RARA: variants seen among roughly 807,000 people sequenced by gnomAD.
The protein encoded by RARA is PML-DDX5-RARA fusion.
Under a neutral mutation model 42.8 loss-of-function variants are expected in RARA, and 5 were observed. That is an observed-to-expected ratio of 0.12 (90% confidence interval 0.06 to 0.25). RARA has a LOEUF of 0.25. Among genes scored for constraint, RARA ranks in the 10% least tolerant of loss-of-function variants. RARA has a pLI of 1.00. For missense variants in RARA, 402 were observed against 628.7 expected (o/e 0.64, Z 3.86); for synonymous variants, 256 against 259.5 (o/e 0.99, Z 0.13).
chr17:40,331,096 G>C lies in RARA; in HGVS notation c.-123G>C, dbSNP rs976746384. On this transcript the variant is annotated 5_prime_UTR_variant, in exon 2 of 9. Transcript: ENST00000254066. ...TTGGACAGCAGCTCCAGGACAGGGC[G>C]GGTGGGCTGACCACCCAAACCCCAT... The C allele has an allele frequency of 1.3e-5, 15 of 1,140,054 alleles. No homozygotes were observed. In the African/African-American group the frequency reaches 1.7e-4, roughly 13 times the overall value. The allele number at this position is 1,140,054 out of a possible 1,614,324, so 70.6% of individuals were successfully genotyped here.
At chr17:40,316,521 C>T (rs2033216738) in intron 1 of RARA, among the ~76,000 whole-genome samples, 3 of 152,196 alleles carry the variant, frequency 2.0e-5, no homozygotes, top group Admixed American at 2.0e-4. Flanking sequence ...TGCATGCATG[C>T]TTGCATTCTT....
chr17:40,342,152 G>T lies in RARA; in HGVS notation c.179-6164G>T, dbSNP rs535904098. On this transcript the variant is annotated intron_variant, in intron 2 of 8. Transcript: ENST00000254066. ...GGGAGGGGGCGCGCAGAGCTGGGGT[G>T]GGGGGGCCGTGGCGCGTACCACCAG... is the stretch of plus-strand genomic sequence containing the variant. 4.5e-4 allele frequency: 468 copies of T among 1,046,406 alleles called. 2 individuals are homozygous for T. Among genetic ancestry groups the T allele is most frequent in the African/African-American group, 2.6e-3 (156 of 59,796 alleles). 64.8% of individuals were successfully genotyped at this position (1,046,406 alleles called of 1,614,324 possible).
rs1471941341 is a variant in RARA at position 40,331,036 on chromosome 17, G to A, written c.-183G>A. ...AACCCACCTGGCCCCCAGCTAGGGT[G>A]GGGGCTCCAGGAGACTGAGATTAGC... On this transcript the variant is annotated 5_prime_UTR_variant, in exon 2 of 9. Transcript: ENST00000254066. 2 of 629,732 alleles carry A rather than the reference G, an allele frequency of 3.2e-6. No homozygotes were observed. The highest frequency in any genetic ancestry group is 5.2e-6 in the Non-Finnish European group (2 of 387,802). The allele number at this position is 629,732 out of a possible 1,614,324, so 39.0% of individuals were successfully genotyped here.
At position 40,356,204 on chromosome 17, in the gene RARA, G is replaced by C; in HGVS notation, c.1367G>C (p.Ser456Thr). The change falls in exon 9 of 9, where the codon AGC (serine) becomes ACC (threonine). Residue 456 changes from serine (S) to threonine (T), a missense_variant. Ser to Thr is a moderately conservative substitution (Grantham distance 58). Coordinates refer to ENST00000254066, the MANE Select transcript of RARA (RefSeq NM_000964.4). ...PSLSPSSNRS[S>T]PATHSP The stretch of plus-strand genomic sequence containing the variant: ...CTCAGCCCCAGCTCCAACAGAAGCA[G>C]CCCGGCCACCCACTCCCCGTGACCG... 1 of 1,550,064 alleles carries C rather than the reference G, an allele frequency of 6.5e-7. No homozygotes were observed.
At chr17:40,341,609 G>T in intron 2 of RARA, 1 of 1,356,768 alleles carries the variant, frequency 7.4e-7, no homozygotes. Context: ...TGATGTCACG[G>T]GCAGCGGTGG....
At chr17:40,317,950 G>C (rs1268558460) in intron 1 of RARA, among the ~76,000 whole-genome samples, 2 of 152,166 alleles carry the variant, frequency 1.3e-5, no homozygotes, top group African/African-American at 4.8e-5. Flanking sequence ...ACCACACGCT[G>C]CGGTCTTCTC....
At chr17:40,344,775 CTG>C (rs2034200076) in intron 2 of RARA, among the ~76,000 whole-genome samples, 1 of 152,138 alleles carries the variant, frequency 6.6e-6, no homozygotes, top group Non-Finnish European at 1.5e-5. Flanking sequence ...GGTCCTGAGG[CTG>C]TGAGGTTGGG....
intron 2 of RARA, chr17:40,342,033 T>C: frequency 9.3e-7 from 1 of 1,071,874 alleles, no homozygotes. Context: ...GTTCCCTGCG[T>C]TTCTCCCGCT....
In RARA at chr17:40,326,831, T is replaced by C. The variant is rs1271449181; in HGVS notation, c.-362-4026T>C. Among the ~76,000 whole-genome samples the C allele has an allele frequency of 1.3e-5, 2 of 152,000 alleles. No homozygotes were observed. The highest frequency in any genetic ancestry group is 2.9e-5 in the Non-Finnish European group (2 of 67,968). On this transcript the variant is annotated intron_variant, in intron 1 of 8. Coordinates refer to ENST00000254066, the MANE Select transcript of RARA (RefSeq NM_000964.4). The surrounding 1 kb of genome is among the most constrained non-coding windows in gnomAD (Gnocchi z 5.2). Reference sequence around the variant, plus strand: ...TGTAGGGGGCTGGGGCCCAGGTGTCTCTCTGAGGGTCATAGCTTCTGATGG... The same window carrying C: ...TGTAGGGGGCTGGGGCCCAGGTGTCCCTCTGAGGGTCATAGCTTCTGATGG...
intron 2 of RARA, chr17:40,342,477 C>A (rs548661374): frequency 1.3e-5 from 16 of 1,248,228 alleles, no homozygotes; most frequent in South Asian, 9.5e-5. Flanking sequence ...ACGGACCCCC[C>A]CTCCCAGCAC....
intron 1 of RARA, among the ~76,000 whole-genome samples, chr17:40,312,189 C>G (rs2033108545): frequency 6.6e-6 from 1 of 152,176 alleles, no homozygotes; most frequent in South Asian, 2.1e-4. Context: ...TGGGTGCCCA[C>G]AATGTGGTTG....
intron 1 of RARA, among the ~76,000 whole-genome samples, chr17:40,314,265 C>A (rs2033150591): frequency 6.6e-6 from 1 of 151,826 alleles, no homozygotes; most frequent in African/African-American, 2.4e-5. Flanking sequence ...ATCCCTGCAC[C>A]CCACCCTCCC....
intron 1 of RARA, among the ~76,000 whole-genome samples, chr17:40,329,775 A>G (rs975218854): frequency 3.9e-5 from 6 of 152,220 alleles, no homozygotes; most frequent in Admixed American, 6.5e-5. Context: ...TTGATTGGCC[A>G]TGTTTCTTTT....
At chr17:40,338,053 A>G (rs979344509) in intron 2 of RARA, among the ~76,000 whole-genome samples, 2 of 152,238 alleles carry the variant, frequency 1.3e-5, no homozygotes, top group African/African-American at 4.8e-5. Context: ...ATCTCCCAGC[A>G]AGGATAATGC....
intron 2 of RARA, among the ~76,000 whole-genome samples, chr17:40,346,859 G>A (rs2034283974): frequency 6.6e-6 from 1 of 152,222 alleles, no homozygotes; most frequent in Non-Finnish European, 1.5e-5. Flanking sequence ...GAAGGGGATG[G>A]GGGGCCATAG....
Position 40,357,355 on chromosome 17 carries a change from C to T in RARA, c.*1129C>T. 1 of 234,256 alleles carries T rather than the reference C, an allele frequency of 4.3e-6. No individual in the cohort carries two copies. Among genetic ancestry groups the T allele is most frequent in the East Asian group, 6.0e-5 (1 of 16,594 alleles). 14.5% of individuals were successfully genotyped at this position (234,256 alleles called of 1,614,324 possible). ...GTGCGCACACACACAAACACACACA[C>T]ACTGGACAGTAGATGGGCCGACACA... On this transcript the variant is annotated 3_prime_UTR_variant, in exon 9 of 9. Coordinates refer to ENST00000254066, the MANE Select transcript of RARA (RefSeq NM_000964.4).
In RARA at chr17:40,354,193, C is replaced by T. The variant is rs1203307975; in HGVS notation, c.808-109C>T. 19 of 1,032,346 alleles carry T rather than the reference C, an allele frequency of 1.8e-5. No individual in the cohort carries two copies. In the East Asian group the frequency reaches 2.1e-4, roughly 11 times the overall value. 63.9% of individuals were successfully genotyped at this position (1,032,346 alleles called of 1,614,324 possible). On this transcript the variant is annotated intron_variant, in intron 6 of 8. Coordinates refer to ENST00000254066, the MANE Select transcript of RARA (RefSeq NM_000964.4). This position sits in a 1 kb window ranked among gnomAD's most constrained non-coding sequence, Gnocchi z 4.5. ...AAAATTCTATCAGACAGCATTGCTC[C>T]GGCCACCTGCCAGGTGGTCCTCCGG...
chr17:40,324,041 C>G (rs1361768131), intron 1 of RARA, among the ~76,000 whole-genome samples: 5 of 152,016 alleles, frequency 3.3e-5, no homozygotes, highest in Non-Finnish European at 7.4e-5. Flanking sequence ...TGTAAGCTGT[C>G]CCCCCATTGT....
chr17:40,334,281 C>T (rs2033783296), intron 2 of RARA, among the ~76,000 whole-genome samples: 2 of 152,174 alleles, frequency 1.3e-5, no homozygotes, highest in Admixed American at 1.3e-4. Context: ...CTTTCTCCAC[C>T]CAGGTTAGGC....
Sources: allele counts gnomAD v4.1 joint callset (sites outside exome capture counted in the v4.1 genomes callset), GRCh38; gene constraint gnomAD v4.1.1; non-coding constraint Gnocchi (gnomAD v3.1); transcripts MANE v1.5; gene names NCBI Gene and HGNC (gene_info 2026-07-23, HGNC 2026-07-21).